Variants in NT5C1A observed in about 807,000 individuals in gnomAD.
The protein encoded by NT5C1A is cytosolic 5'-nucleotidase 1A.
NT5C1A carries 18 observed loss-of-function variants against 31.0 expected under a neutral mutation model. The observed-to-expected ratio is 0.58, with a 90% CI of 0.40 to 0.86. The LOEUF (loss-of-function observed/expected upper bound fraction) is 0.86, where lower values mean the gene tolerates loss of function less well. NT5C1A is among the 40% of genes least tolerant of loss of function. NT5C1A has a pLI of 0.00. For synonymous variants in NT5C1A, 185 were observed against 203.6 expected (o/e 0.91, Z 0.78); for missense variants, 470 against 505.4 (o/e 0.93, Z 0.67).
intron 3 of NT5C1A, among the ~76,000 whole-genome samples, chr1:39,664,239 C>T (rs1235212981): frequency 6.0e-5 from 9 of 150,774 alleles, no homozygotes; most frequent in Admixed American, 6.6e-5. Context: ...CTGCAAGCTC[C>T]GCCTCCCGGG....
rs973286641 is a variant in NT5C1A, at chr1:39,653,894, A to G, written c.*5227T>C. Among the ~76,000 whole-genome samples, 1 of 152,216 alleles carries G rather than the reference A, an allele frequency of 6.6e-6. No individual in the cohort carries two copies. Among genetic ancestry groups the G allele is most frequent in the Non-Finnish European group, 1.5e-5 (1 of 68,044 alleles). On this transcript the variant is annotated 3_prime_UTR_variant, in exon 6 of 6. Transcript: ENST00000235628. ...AGAGGATGAACATTCTGGGCCTTGC[A>G]TGCCTCTTGGATAGCAAAACCCAAC...
chr1:39,661,230 C>G lies in NT5C1A; in HGVS notation c.590G>C (p.Arg197Thr). The G allele has an allele frequency of 6.3e-7, 1 of 1,589,536 alleles. No individual in the cohort carries two copies. The highest frequency in any genetic ancestry group is 8.6e-7 in the Non-Finnish European group (1 of 1,159,796). The change falls in exon 5 of 6, where the codon AGG becomes ACG. Residue 197 changes from arginine (R) to threonine (T), a missense_variant. Physicochemically the swap from Arg to Thr is moderately conservative, Grantham distance 71 (BLOSUM62 -1). Coordinates refer to ENST00000235628, the MANE Select transcript of NT5C1A (RefSeq NM_032526.3). ...IAAATIFSPS[R>T]DVVVSQSQLR... Reference sequence around the variant, plus strand: ...CTGACTCTGGGACACAACCACATCCCTGCTGGGGCTGAAGATGGTGGCAGC... The same window carrying G: ...CTGACTCTGGGACACAACCACATCCGTGCTGGGGCTGAAGATGGTGGCAGC...
chr1:39,670,308 T>G (rs1021908844), intron 1 of NT5C1A, among the ~76,000 whole-genome samples: 26 of 152,132 alleles, frequency 1.7e-4, no homozygotes, highest in Non-Finnish European at 3.2e-4. Flanking sequence ...TGCTAAAAGG[T>G]TTTTTGTTTT....
Position 39,658,310 on chromosome 1 carries a change from A to G in NT5C1A, c.*811T>C, listed in dbSNP as rs1646473659. Among the ~76,000 whole-genome samples, 1 of 152,196 alleles carries G rather than the reference A, an allele frequency of 6.6e-6. No individual in the cohort carries two copies. Among genetic ancestry groups the G allele is most frequent in the Admixed American group, 6.5e-5 (1 of 15,282 alleles). ...ATGACCATTCAGGTTAGAGAATCAC[A>G]TGAGCAGATAGGTCATCTTGTCCAG... On this transcript the variant is annotated 3_prime_UTR_variant, in exon 6 of 6. Transcript: ENST00000235628.
At position 39,656,166 on chromosome 1, in the gene NT5C1A, T is replaced by TG. The variant is rs1475385025; in HGVS notation, c.*2954dup. Reference sequence around the variant, plus strand: ...GGAACCAGTGTTCTGCAGGGCTTGTTGGGGAAGTGGTGCTCTCAGCTAAAG... The same window carrying TG: ...GGAACCAGTGTTCTGCAGGGCTTGTTGGGGGAAGTGGTGCTCTCAGCTAAAG... On this transcript the variant is annotated 3_prime_UTR_variant, in exon 6 of 6. Coordinates refer to ENST00000235628, the MANE Select transcript of NT5C1A (RefSeq NM_032526.3). Among the ~76,000 whole-genome samples the TG allele has an allele frequency of 2.0e-5, 3 of 152,214 alleles. No individual in the cohort carries two copies. Among genetic ancestry groups the TG allele is most frequent in the African/African-American group, 4.8e-5 (2 of 41,466 alleles).
At chr1:39,664,492 T>TCCTCTCCTCTCCTC (rs1553485423) in intron 3 of NT5C1A, among the ~76,000 whole-genome samples, 19 of 606 alleles carry the variant, frequency 0.031, no homozygotes, top group Non-Finnish European at 0.056. Context: ...GGATTTCTCC[T>TCCTCTCCTCTCCTC]CCTCTCCTCT....
chr1:39,651,713 A>G lies in NT5C1A; in HGVS notation c.*7408T>C, dbSNP rs988858500. 2.0e-5 allele frequency among the ~76,000 whole-genome samples: 3 copies of G among 152,260 alleles called. No homozygotes were observed. Among genetic ancestry groups the G allele is most frequent in the South Asian group, 2.1e-4 (1 of 4,824 alleles). On this transcript the variant is annotated 3_prime_UTR_variant, in exon 6 of 6. Transcript: ENST00000235628. ...CTTAAGTAGAAACCAGAAGTTAAGTATATGTGCGCTATTACATTAATAAAG... is the reference window on the plus strand; with the variant it reads ...CTTAAGTAGAAACCAGAAGTTAAGTGTATGTGCGCTATTACATTAATAAAG...
At chr1:39,664,490 C>CCTCCTCCTCTCCTCTCCT (rs1553485420) in intron 3 of NT5C1A, among the ~76,000 whole-genome samples, 2 of 2,900 alleles carry the variant, frequency 6.9e-4, no homozygotes, top group Admixed American at 4.4e-3. Flanking sequence ...GTGGATTTCT[C>CCTCCTCCTCTCCTCTCCT]CTCCTCTCCT....
chr1:39,671,629 G>C (rs561849935), intron 1 of NT5C1A, among the ~76,000 whole-genome samples: 5 of 152,246 alleles, frequency 3.3e-5, no homozygotes, highest in African/African-American at 1.2e-4. Context: ...CGGCCCGAGT[G>C]GGGAGGGGCT....
intron 1 of NT5C1A, among the ~76,000 whole-genome samples, chr1:39,667,433 A>G (rs1218416333): frequency 6.6e-6 from 1 of 152,184 alleles, no homozygotes; most frequent in Admixed American, 6.5e-5. Flanking sequence ...AGATACCCAG[A>G]GAATCCCACC....
At chr1:39,661,045 T>C (rs1646490605) in intron 5 of NT5C1A, 34 bp downstream of exon 5, 8 of 1,397,684 alleles carry the variant, frequency 5.7e-6, no homozygotes, top group Admixed American at 1.7e-5. Flanking sequence ...AGCTGCCTTG[T>C]TCCTCTCAGG....
Position 39,660,487 on chromosome 1 carries a change from G to A in NT5C1A, c.741+592C>T, listed in dbSNP as rs937836798. On this transcript the variant is annotated intron_variant, in intron 5 of 5. Transcript: ENST00000235628. The stretch of plus-strand genomic sequence containing the variant: ...CTGTGCCCCCAGCCAAGGGATGGAT[G>A]GCAGGAGATGTCCCAAAGCAAATGG... 2.6e-5 allele frequency among the ~76,000 whole-genome samples: 4 copies of A among 152,160 alleles called. No homozygotes were observed. In the East Asian group the frequency reaches 7.7e-4, roughly 29 times the overall value.
intron 1 of NT5C1A, among the ~76,000 whole-genome samples, 189 bp downstream of exon 1, chr1:39,671,715 T>C (rs1218064978): frequency 9.3e-5 from 14 of 151,132 alleles, no homozygotes; most frequent in Admixed American, 9.2e-4. Context: ...CGAGTCCCGG[T>C]AAAAAAATAC....
chr1:39,664,145 TTTTC>T (rs778159010), intron 3 of NT5C1A, among the ~76,000 whole-genome samples: 4 of 151,884 alleles, frequency 2.6e-5, no homozygotes, highest in Non-Finnish European at 4.4e-5. Context: ...GGTGTATTCT[TTTTC>T]TTTCTTTCTT....
chr1:39,663,165 A>G (rs966572556), intron 4 of NT5C1A, 147 bp downstream of exon 4: 1 of 850,848 alleles, frequency 1.2e-6, no homozygotes, highest in African/African-American at 1.7e-5. Flanking sequence ...AGGACAGATT[A>G]TAAGAATTAA....
chr1:39,665,768 T>C, intron 2 of NT5C1A, 118 bp from the exon 3 acceptor site: 2 of 1,011,090 alleles, frequency 2.0e-6, no homozygotes, highest in East Asian at 2.4e-5. Context: ...TAAGTGCACA[T>C]GAACTACCTT....
At chr1:39,663,288 T>G (rs1646500810) in intron 4 of NT5C1A, 24 bp downstream of exon 4, 3 of 1,614,052 alleles carry the variant, frequency 1.9e-6, no homozygotes, top group African/African-American at 2.7e-5. Context: ...ACTCCCCATA[T>G]TCTTCCTCTT....
intron 1 of NT5C1A, among the ~76,000 whole-genome samples, chr1:39,667,758 G>T (rs927508259): frequency 2.0e-5 from 3 of 152,216 alleles, no homozygotes; most frequent in Admixed American, 2.0e-4. Context: ...TCTTTTAAAA[G>T]AGCAATGTCC....
intron 5 of NT5C1A, among the ~76,000 whole-genome samples, chr1:39,659,809 A>AG (rs1052874962): frequency 1.3e-5 from 2 of 152,140 alleles, no homozygotes; most frequent in Admixed American, 6.5e-5. Flanking sequence ...GCCCATCAAC[A>AG]GGGGGGATAT....
Sources: gnomAD v4.1 joint callset for allele counts (sites outside exome capture counted in the v4.1 genomes callset) on GRCh38, gnomAD v4.1.1 for gene constraint, MANE v1.5 for transcripts, NCBI Gene and HGNC (gene_info 2026-07-23, HGNC 2026-07-21) for gene names.